KCNN2: variants seen among roughly 807,000 people sequenced by gnomAD.
KCNN2 encodes the protein potassium calcium-activated channel subfamily N member 2.
A neutral mutation model predicts 55.5 loss-of-function variants in KCNN2; 24 were observed. The observed-to-expected ratio is 0.43, with a 90% CI of 0.31 to 0.61. The LOEUF (loss-of-function observed/expected upper bound fraction) is 0.61. KCNN2 is among the 20% of genes least tolerant of loss of function. The probability of loss-of-function intolerance (pLI) is 0.08; values close to 1 mark genes in which losing one functional copy is unlikely to be tolerated. For missense variants in KCNN2, 754 were observed against 853.6 expected (o/e 0.88, Z 1.45); for synonymous variants, 431 against 336.1 (o/e 1.28, Z -3.09).
intron 1 of KCNN2, among the ~76,000 whole-genome samples, chr5:114,211,538 C>G (rs541459463): frequency 3.9e-5 from 6 of 151,988 alleles, no homozygotes; most frequent in African/African-American, 1.4e-4. Flanking sequence ...AAGAGGGGAA[C>G]AACAGACTCT....
At chr5:114,161,131 A>G (rs1167628534) in intron 1 of KCNN2, among the ~76,000 whole-genome samples, 1 of 152,184 alleles carries the variant, frequency 6.6e-6, no homozygotes, top group Non-Finnish European at 1.5e-5. Context: ...ATGTTTTTGC[A>G]GTGGCTGGTA....
intron 1 of KCNN2, among the ~76,000 whole-genome samples, chr5:114,060,213 G>A (rs1294234788): frequency 6.6e-6 from 1 of 152,254 alleles, no homozygotes; most frequent in African/African-American, 2.4e-5. Flanking sequence ...TTGGTACTGG[G>A]ATTGGGCAGC....
rs1478474662 is a variant in KCNN2, at chr5:114,496,436, A to T, written c.*254A>T. 6 of 402,828 alleles carry T rather than the reference A, an allele frequency of 1.5e-5. No homozygotes were observed. The highest frequency in any genetic ancestry group is 1.2e-4 in the African/African-American group (6 of 49,800). 25.0% of individuals were successfully genotyped at this position (402,828 alleles called of 1,614,324 possible). A position where few individuals can be genotyped will look rare whatever the true frequency, so the allele number is the denominator to read the frequency against. ...AATTTCACTAACTTTTTATTCATGC[A>T]CTTCAAACAAACTTTACTACTACAT... is the stretch of plus-strand genomic sequence containing the variant. On this transcript the variant is annotated 3_prime_UTR_variant, in exon 8 of 8. Coordinates refer to ENST00000673685, the MANE Select transcript of KCNN2 (RefSeq NM_021614.4).
intron 1 of KCNN2, among the ~76,000 whole-genome samples, chr5:114,120,229 G>A (rs773864089): frequency 1.1e-4 from 17 of 152,022 alleles, no homozygotes; most frequent in South Asian, 2.1e-4. Flanking sequence ...ATGATGAATC[G>A]TTTCCTCCTG....
chr5:114,368,459 G>T (rs1490370693), intron 2 of KCNN2, among the ~76,000 whole-genome samples: 1 of 152,022 alleles, frequency 6.6e-6, no homozygotes, highest in African/African-American at 2.4e-5. Flanking sequence ...GTGAGTGAGG[G>T]TGGGGGCCTC....
chr5:114,361,832 C>T (rs545168758), upstream of KCNN2: 11 of 152,898 alleles, frequency 7.2e-5, no homozygotes, highest in Middle Eastern at 3.1e-3. Context: ...GGCGGAATCC[C>T]TGCCCTGGAG....
intron 4 of KCNN2, among the ~76,000 whole-genome samples, chr5:114,468,317 T>C (rs564827915): frequency 2.0e-5 from 3 of 152,198 alleles, no homozygotes; most frequent in Non-Finnish European, 1.5e-5. Flanking sequence ...GAAAGAATAA[T>C]TATTTATGTC....
chr5:114,118,141 C>T (rs960436380), intron 1 of KCNN2, among the ~76,000 whole-genome samples: 1 of 152,142 alleles, frequency 6.6e-6, no homozygotes, highest in Non-Finnish European at 1.5e-5. Flanking sequence ...GTTACCTTTA[C>T]AGCATTTCCC....
Position 114,496,460 on chromosome 5 carries a change from A to G in KCNN2, c.*278A>G. On this transcript the variant is annotated 3_prime_UTR_variant, in exon 8 of 8. Transcript: ENST00000673685. ...CACTTCAAACAAACTTTACTACTAC[A>G]TTATATGATATATAATAAAAAAAGT... 1 of 298,280 alleles carries G rather than the reference A, an allele frequency of 3.4e-6. No individual in the cohort carries two copies. The highest frequency in any genetic ancestry group is 2.2e-5 in the African/African-American group (1 of 46,372). 18.5% of individuals were successfully genotyped at this position (298,280 alleles called of 1,614,324 possible).
At chr5:114,097,898 T>G (rs770196872) in intron 1 of KCNN2, among the ~76,000 whole-genome samples, 2 of 152,190 alleles carry the variant, frequency 1.3e-5, no homozygotes, top group Non-Finnish European at 2.9e-5. Context: ...TGTTTCCTTT[T>G]GCTGCTGTGA....
At chr5:114,489,859 G>A (rs1251327860) in intron 6 of KCNN2, among the ~76,000 whole-genome samples, 1 of 152,116 alleles carries the variant, frequency 6.6e-6, no homozygotes, top group African/African-American at 2.4e-5. Context: ...CTTACTAGCT[G>A]AAGAAAAATG....
chr5:114,163,602 C>T (rs998763887), intron 1 of KCNN2, among the ~76,000 whole-genome samples: 1 of 152,130 alleles, frequency 6.6e-6, no homozygotes, highest in Non-Finnish European at 1.5e-5. Context: ...TTTGTATGGA[C>T]TCTGATGTCT....
intron 1 of KCNN2, among the ~76,000 whole-genome samples, chr5:114,136,070 T>C (rs1049731299): frequency 5.7e-4 from 87 of 152,242 alleles, no homozygotes; most frequent in African/African-American, 2.1e-3. Context: ...AAAGGGCCAA[T>C]TGAGTTCCCA....
chr5:114,282,246 G>T (rs1304446821), intron 2 of KCNN2, among the ~76,000 whole-genome samples: 2 of 151,816 alleles, frequency 1.3e-5, no homozygotes, highest in African/African-American at 4.8e-5. Context: ...TCATTCCTTT[G>T]TATGGGGAAT....
At chr5:114,339,478 A>C (rs1756978760) in intron 2 of KCNN2, among the ~76,000 whole-genome samples, 1 of 152,170 alleles carries the variant, frequency 6.6e-6, no homozygotes, top group Non-Finnish European at 1.5e-5. Flanking sequence ...TTTAACATAA[A>C]ATGTTGGATT....
chr5:114,386,378 A>G (rs956647934), intron 2 of KCNN2, among the ~76,000 whole-genome samples: 1 of 151,822 alleles, frequency 6.6e-6, no homozygotes, highest in Non-Finnish European at 1.5e-5. Flanking sequence ...AGGGGCTGGT[A>G]TATGATATAA....
chr5:114,357,958 C>T (rs1359927010), upstream of KCNN2, among the ~76,000 whole-genome samples: 27 of 150,094 alleles, frequency 1.8e-4, no homozygotes, highest in Non-Finnish European at 2.8e-4. Flanking sequence ...CTCTCCAGCA[C>T]CTGTTGTTTC....
At chr5:114,399,720 A>G (rs1367144987) in intron 2 of KCNN2, among the ~76,000 whole-genome samples, 1 of 152,076 alleles carries the variant, frequency 6.6e-6, no homozygotes, top group Non-Finnish European at 1.5e-5. Flanking sequence ...TTCGGCTATG[A>G]ATTCCTCTGG....
In KCNN2 at chr5:114,214,953, C is replaced by T. The variant is rs185054153; in HGVS notation, c.-270-6527C>T. On this transcript the variant is annotated intron_variant, in intron 1 of 10. Coordinates refer to the KCNN2 transcript ENST00000512097. ...GAAGAAACAGGTAGTATCATTGGTT[C>T]CAAATGAGTAATATAGTCTGGTATT... Among the ~76,000 whole-genome samples the T allele has an allele frequency of 2.6e-5, 4 of 152,104 alleles. No homozygotes were observed. In the East Asian group the frequency reaches 5.8e-4, roughly 22 times the overall value.
Sources: gnomAD v4.1 joint callset for allele counts (sites outside exome capture counted in the v4.1 genomes callset) on GRCh38, gnomAD v4.1.1 for gene constraint, MANE v1.5 for transcripts, NCBI Gene and HGNC (gene_info 2026-07-23, HGNC 2026-07-21) for gene names.